RPL39L: variants seen among roughly 807,000 people sequenced by gnomAD.
RPL39L encodes the protein ribosomal protein L39 like.
For synonymous variants in RPL39L, 16 were observed against 20.1 expected (o/e 0.80, Z 0.55); for missense variants, 48 against 58.9 (o/e 0.81, Z 0.61).
At chr3:187,122,065 G>T (rs1019461400) in intron 2 of RPL39L, among the ~76,000 whole-genome samples, 21 of 152,186 alleles carry the variant, frequency 1.4e-4, no homozygotes, top group African/African-American at 4.8e-4. Context: ...GCGATTTGCT[G>T]TAAAACTATC....
intron 1 of RPL39L, among the ~76,000 whole-genome samples, chr3:187,135,657 G>A (rs1037153397): frequency 4.6e-5 from 7 of 152,316 alleles, no homozygotes; most frequent in Admixed American, 4.6e-4. Flanking sequence ...GCAGTGAATA[G>A]GCAAAACACA....
chr3:187,121,382 T>TA, intron 2 of RPL39L, 54 bp from the exon 3 acceptor site: 1 of 1,495,020 alleles, frequency 6.7e-7, no homozygotes, highest in African/African-American at 1.4e-5. Flanking sequence ...TAGGATAGGA[T>TA]AAGGTAACAT....
chr3:187,138,528 C>T (rs1720626179), intron 1 of RPL39L, among the ~76,000 whole-genome samples: 1 of 152,172 alleles, frequency 6.6e-6, no homozygotes, highest in South Asian at 2.1e-4. Flanking sequence ...CCTGTGAGAA[C>T]GCCTTGGAAA....
At chr3:187,137,063 T>G (rs992322828) in intron 1 of RPL39L, among the ~76,000 whole-genome samples, 44 of 151,716 alleles carry the variant, frequency 2.9e-4, no homozygotes, top group Non-Finnish European at 4.9e-4. Flanking sequence ...AAAAATTAGC[T>G]GGGCATGGTG....
chr3:187,123,861 C>T (rs1173002055), intron 2 of RPL39L, among the ~76,000 whole-genome samples: 1 of 152,228 alleles, frequency 6.6e-6, no homozygotes, highest in Non-Finnish European at 1.5e-5. Context: ...GGGCTAGAAG[C>T]TCTGACCAGG....
intron 2 of RPL39L, among the ~76,000 whole-genome samples, chr3:187,126,498 G>T (rs1464639545): frequency 3.9e-5 from 6 of 152,008 alleles, no homozygotes; most frequent in African/African-American, 1.2e-4. Flanking sequence ...AAAAACCACA[G>T]TATTTTGAAA....
chr3:187,131,199 C>T lies in RPL39L; in HGVS notation c.-92-3137G>A, dbSNP rs111569734. On this transcript the variant is annotated intron_variant, in intron 1 of 2. Coordinates refer to ENST00000296277, the MANE Select transcript of RPL39L (RefSeq NM_052969.3). ...AGTGGTTAAAAGAACTCTGGAGGGC[C>T]GGGCACAGTGGCTTATGCCTCTAAT... Among the ~76,000 whole-genome samples the T allele has an allele frequency of 9.8e-3, 1,490 of 152,274 alleles. 12 individuals are homozygous for T. The highest frequency in any genetic ancestry group is 0.013 in the Non-Finnish European group (890 of 68,024).
chr3:187,133,034 G>A (rs555832529), intron 1 of RPL39L, among the ~76,000 whole-genome samples: 2 of 152,342 alleles, frequency 1.3e-5, no homozygotes, highest in Admixed American at 1.3e-4. Context: ...GTCAAGTGTG[G>A]ACCAGCATAA....
rs771950549 is a variant in RPL39L at position 187,121,280 on chromosome 3, G to C, written c.21C>G (p.Phe7Leu). 6.2e-7 allele frequency: 1 copy of C among 1,614,036 alleles called. No homozygotes were observed. The highest frequency in any genetic ancestry group is 8.5e-7 in the Non-Finnish European group (1 of 1,179,916). MSSHKT[F>L]TIKRFLAKKQ... is the part of the protein sequence containing the mutation. ...TCTTGGCCAGGAATCGCTTAATGGT[G>C]AAAGTCTTGTGAGAAGACATGGCGA... is the stretch of plus-strand genomic sequence containing the variant. The change falls in exon 3 of 3, where the codon TTC becomes TTG. Residue 7 changes from phenylalanine (F) to leucine (L), a missense_variant. By Grantham distance (22) the Phe-to-Leu change is conservative (BLOSUM62 0). Coordinates refer to ENST00000296277, the MANE Select transcript of RPL39L (RefSeq NM_052969.3).
At chr3:187,121,353 G>T in intron 2 of RPL39L, 25 bp from the exon 3 acceptor site, 1 of 1,589,306 alleles carries the variant, frequency 6.3e-7, no homozygotes, top group Non-Finnish European at 8.6e-7. Flanking sequence ...GGGAGAGAGA[G>T]ACAGAGACAA....
At chr3:187,136,329 T>C (rs1454993497) in intron 1 of RPL39L, among the ~76,000 whole-genome samples, 1 of 152,216 alleles carries the variant, frequency 6.6e-6, no homozygotes, top group Non-Finnish European at 1.5e-5. Flanking sequence ...TGAAGGTTGG[T>C]GAGGTGACCA....
chr3:187,138,239 G>A (rs187556524), intron 1 of RPL39L, among the ~76,000 whole-genome samples: 1 of 152,306 alleles, frequency 6.6e-6, no homozygotes, highest in Admixed American at 6.5e-5. Flanking sequence ...GAGGTGGCGG[G>A]GAGGGGAGGC....
intron 1 of RPL39L, among the ~76,000 whole-genome samples, chr3:187,136,316 GA>G (rs1720577502): frequency 6.6e-6 from 1 of 152,212 alleles, no homozygotes; most frequent in Non-Finnish European, 1.5e-5. Context: ...ATATAATTAG[GA>G]GTGAAGGTTG....
chr3:187,133,333 G>A (rs560517482), intron 1 of RPL39L, among the ~76,000 whole-genome samples: 1 of 152,138 alleles, frequency 6.6e-6, no homozygotes, highest in Non-Finnish European at 1.5e-5. Context: ...TGACAGTGAG[G>A]GAGTTCTCAT....
chr3:187,125,630 C>T (rs963460684), intron 2 of RPL39L, among the ~76,000 whole-genome samples: 14 of 151,736 alleles, frequency 9.2e-5, no homozygotes, highest in African/African-American at 3.4e-4. Flanking sequence ...CATTCGACCA[C>T]CTGCTGCCTG....
intron 2 of RPL39L, among the ~76,000 whole-genome samples, chr3:187,124,664 A>G (rs2108467409): frequency 6.6e-6 from 1 of 152,312 alleles, no homozygotes; most frequent in Non-Finnish European, 1.5e-5. Context: ...TATGCTGAAT[A>G]TCAAAAATTG....
intron 1 of RPL39L, among the ~76,000 whole-genome samples, chr3:187,137,049 A>T (rs1347270514): frequency 4.0e-5 from 6 of 151,890 alleles, no homozygotes; most frequent in Non-Finnish European, 8.8e-5. Context: ...CTACAAAAAA[A>T]TTTAAAAATT....
chr3:187,130,259 TTGTACTTTCCA>T (rs1424299504), intron 1 of RPL39L, among the ~76,000 whole-genome samples: 2 of 152,346 alleles, frequency 1.3e-5, no homozygotes, highest in East Asian at 3.9e-4. Context: ...GCAAAGTTCT[TTGTACTTTCCA>T]TTCATTGGTT....
intron 2 of RPL39L, among the ~76,000 whole-genome samples, chr3:187,122,344 G>A (rs535224623): frequency 7.2e-5 from 11 of 152,216 alleles, no homozygotes; most frequent in African/African-American, 2.4e-4. Flanking sequence ...ACTGCAAACA[G>A]TGTTGGAGAT....
Sources: gnomAD v4.1 joint callset for allele counts (sites outside exome capture counted in the v4.1 genomes callset) on GRCh38, gnomAD v4.1.1 for gene constraint, MANE v1.5 for transcripts, NCBI Gene and HGNC (gene_info 2026-07-23, HGNC 2026-07-21) for gene names.